Variants in STAC observed in about 807,000 individuals in gnomAD.
STAC encodes the protein SH3 and cysteine rich domain, also known as SH3 and cysteine-rich domain-containing protein.
A neutral mutation model predicts 48.8 loss-of-function variants in STAC; 43 were observed. That is an observed-to-expected ratio of 0.88 (90% CI 0.69 to 1.14). The LOEUF (loss-of-function observed/expected upper bound fraction) is 1.14. Ranked by LOEUF, STAC falls within the 50% of genes most tolerant of loss-of-function variation. The probability of loss-of-function intolerance (pLI) is 0.00; values close to 1 mark genes in which losing one functional copy is unlikely to be tolerated. For missense variants in STAC, 497 were observed against 504.0 expected (o/e 0.99, Z 0.13); for synonymous variants, 193 against 179.5 (o/e 1.07, Z -0.60).
intron 2 of STAC, chr3:36,459,114 A>C (rs1326628599): frequency 3.3e-5 from 5 of 152,244 alleles, no homozygotes; most frequent in Admixed American, 3.3e-4. Context: ...AAGGAAATAC[A>C]AAATTAGTTG....
intron 1 of STAC, among the ~76,000 whole-genome samples, chr3:36,400,624 CA>C (rs1699981667): frequency 6.6e-6 from 1 of 152,182 alleles, no homozygotes; most frequent in Non-Finnish European, 1.5e-5. Context: ...AATTGAAACA[CA>C]GATTATTGGA....
intron 2 of STAC, among the ~76,000 whole-genome samples, chr3:36,451,839 T>C (rs1384276588): frequency 1.3e-5 from 2 of 152,244 alleles, no homozygotes; most frequent in East Asian, 3.8e-4. Flanking sequence ...GTTCAAAGTT[T>C]ATTTTCAGTA....
intron 2 of STAC, among the ~76,000 whole-genome samples, chr3:36,447,898 C>G (rs1447772737): frequency 6.6e-6 from 1 of 152,154 alleles, no homozygotes; most frequent in African/African-American, 2.4e-5. Context: ...CAAATGCTCT[C>G]TAAAACTTTT....
intron 1 of STAC, among the ~76,000 whole-genome samples, chr3:36,400,643 C>T (rs1186493951): frequency 1.3e-5 from 2 of 152,124 alleles, no homozygotes; most frequent in Non-Finnish European, 2.9e-5. Flanking sequence ...GGACTTCATC[C>T]CCAGAGTTTC....
chr3:36,451,536 C>T (rs1003266341), intron 2 of STAC, among the ~76,000 whole-genome samples: 6 of 152,126 alleles, frequency 3.9e-5, no homozygotes, highest in African/African-American at 1.4e-4. Flanking sequence ...TTAGATATTT[C>T]TAGCTTTAAC....
At chr3:36,404,853 T>G (rs1327389943) in intron 1 of STAC, among the ~76,000 whole-genome samples, 1 of 152,066 alleles carries the variant, frequency 6.6e-6, no homozygotes, top group Non-Finnish European at 1.5e-5. Context: ...ATTGTTTGTG[T>G]ATAGAATACA....
At chr3:36,458,551 G>T (rs971143836) in intron 2 of STAC, among the ~76,000 whole-genome samples, 1 of 152,198 alleles carries the variant, frequency 6.6e-6, no homozygotes, top group Non-Finnish European at 1.5e-5. Flanking sequence ...TGAGGCTGGA[G>T]ATTAGTATTT....
At chr3:36,419,001 C>G (rs1436227063) in intron 1 of STAC, among the ~76,000 whole-genome samples, 1 of 148,878 alleles carries the variant, frequency 6.7e-6, no homozygotes, top group Non-Finnish European at 1.5e-5. Context: ...GAGCCGAGAT[C>G]GCGCCATTGC....
At position 36,485,065 on chromosome 3, in the gene STAC, T is replaced by G. The variant is rs1317539869; in HGVS notation, c.571+7T>G. The G allele has an allele frequency of 6.3e-6, 10 of 1,598,968 alleles. No individual in the cohort carries two copies. The highest frequency in any genetic ancestry group is 1.7e-5 in the Admixed American group (1 of 57,768). On this transcript the variant is annotated splice_region_variant and intron_variant, in intron 4 of 10. Transcript: ENST00000273183. ...AAAGAAGTTATGCCCATTGGTGAGT[T>G]GGGACATTGATGGGTTGAGTTGAGT... is the stretch of plus-strand genomic sequence containing the variant.
chr3:36,525,214 G>C (rs1055866045), intron 8 of STAC, among the ~76,000 whole-genome samples: 2 of 152,104 alleles, frequency 1.3e-5, no homozygotes, highest in Admixed American at 6.5e-5. Context: ...TGTTGAATGA[G>C]TGGGTAAACA....
intron 2 of STAC, among the ~76,000 whole-genome samples, chr3:36,477,100 A>G (rs1033000358): frequency 3.3e-5 from 5 of 152,136 alleles, no homozygotes; most frequent in Non-Finnish European, 7.3e-5. Context: ...TTTTTAAAAA[A>G]TTTTTTCTTA....
intron 2 of STAC, among the ~76,000 whole-genome samples, chr3:36,479,690 T>C (rs1417032630): frequency 6.6e-6 from 1 of 152,208 alleles, no homozygotes; most frequent in African/African-American, 2.4e-5. Context: ...GTTCCAGAAA[T>C]ACTAGTAGTT....
chr3:36,383,023 CTTA>C (rs1340516768), intron 1 of STAC, among the ~76,000 whole-genome samples: 1 of 152,040 alleles, frequency 6.6e-6, no homozygotes, highest in East Asian at 1.9e-4. Context: ...GTTTTTTTGT[CTTA>C]TTATAAGAGT....
rs1056087252 is a variant in STAC at position 36,547,238 on chromosome 3, G to T, written c.*949G>T. 3.3e-5 allele frequency: 5 copies of T among 152,370 alleles called. No individual in the cohort carries two copies. Among genetic ancestry groups the T allele is most frequent in the Non-Finnish European group, 1.5e-5 (1 of 68,034 alleles). The allele number at this position is 152,370 out of a possible 1,614,324, so 9.4% of individuals were successfully genotyped here. A position where few individuals can be genotyped will look rare whatever the true frequency, so the allele number is the denominator to read the frequency against. Reference sequence around the variant, plus strand: ...CTGTCCTATAGGACTCCACTTTGAAGGTTGTGCCTACGTTGCAGGGAACTA... The same window carrying T: ...CTGTCCTATAGGACTCCACTTTGAATGTTGTGCCTACGTTGCAGGGAACTA... On this transcript the variant is annotated 3_prime_UTR_variant, in exon 11 of 11. Coordinates refer to ENST00000273183, the MANE Select transcript of STAC (RefSeq NM_003149.3).
intron 8 of STAC, among the ~76,000 whole-genome samples, chr3:36,528,462 TG>T (rs1159314946): frequency 1.4e-5 from 2 of 145,226 alleles, no homozygotes; most frequent in East Asian, 4.2e-4. Context: ...AGCGAGACTC[TG>T]TTTAAAAAAA....
chr3:36,463,860 A>G (rs1697090028), intron 2 of STAC, among the ~76,000 whole-genome samples: 1 of 151,826 alleles, frequency 6.6e-6, no homozygotes, highest in Admixed American at 6.6e-5. Context: ...ATCCTTTTTT[A>G]TGGCTGCATA....
In STAC at chr3:36,540,505, C is replaced by G. The variant is rs1371450470; in HGVS notation, c.1111-5686C>G. ...TCTGGCTAGAGTCAGGGAGATGCAG[C>G]AGAAGAGGACAGATGAAAAATGAGG... On this transcript the variant is annotated intron_variant, in intron 10 of 10. Transcript: ENST00000273183. Among the ~76,000 whole-genome samples the G allele has an allele frequency of 2.0e-5, 3 of 151,812 alleles. No individual in the cohort carries two copies. The East Asian group carries it at 5.8e-4, about 29-fold the overall frequency.
intron 8 of STAC, among the ~76,000 whole-genome samples, chr3:36,510,592 T>C (rs556998453): frequency 6.6e-6 from 1 of 152,080 alleles, no homozygotes; most frequent in Non-Finnish European, 1.5e-5. Flanking sequence ...ATAAAGAAAA[T>C]GTTGCACATA....
intron 4 of STAC, 150 bp from the exon 5 acceptor site, chr3:36,485,984 A>G: frequency 1.6e-6 from 1 of 627,174 alleles, no homozygotes; most frequent in Non-Finnish European, 2.8e-6. Context: ...TGTGAGGAAC[A>G]CTTGGCCATG....
Sources: gnomAD v4.1 joint callset for allele counts (sites outside exome capture counted in the v4.1 genomes callset) on GRCh38, gnomAD v4.1.1 for gene constraint, MANE v1.5 for transcripts, NCBI Gene and HGNC (gene_info 2026-07-23, HGNC 2026-07-21) for gene names.